The following F3 variants were observed in gnomAD, a reference collection of about 807,000 sequenced individuals.
F3 encodes the protein coagulation factor III, tissue factor.
Under a neutral mutation model 33.5 loss-of-function variants are expected in F3, and 18 were observed. The ratio of observed to expected loss-of-function variants is 0.54; its 90% CI spans 0.37 to 0.80. The LOEUF (loss-of-function observed/expected upper bound fraction) is 0.80, where lower values mean the gene tolerates loss of function less well. F3 is among the 30% of genes least tolerant of loss of function. The probability of loss-of-function intolerance (pLI) is 0.00; values close to 1 mark genes in which losing one functional copy is unlikely to be tolerated. For synonymous variants in F3, 147 were observed against 140.7 expected (o/e 1.05, Z -0.32); for missense variants, 353 against 362.1 (o/e 0.97, Z 0.20).
At chr1:94,538,507 G>A (rs1219287210) in intron 2 of F3, among the ~76,000 whole-genome samples, 2 of 152,218 alleles carry the variant, frequency 1.3e-5, no homozygotes, top group African/African-American at 4.8e-5. Flanking sequence ...AGGCAGAGAG[G>A]AAGGCCAACT....
chr1:94,540,070 T>C (rs1229824670), intron 2 of F3, among the ~76,000 whole-genome samples, 187 bp downstream of exon 2: 1 of 152,224 alleles, frequency 6.6e-6, no homozygotes, highest in Non-Finnish European at 1.5e-5. Flanking sequence ...GTTCTATCAG[T>C]TTAAGGTCTG....
intron 2 of F3, among the ~76,000 whole-genome samples, chr1:94,538,088 T>A (rs1651665788): frequency 6.6e-6 from 1 of 152,190 alleles, no homozygotes; most frequent in African/African-American, 2.4e-5. Flanking sequence ...GACAATTCTG[T>A]AGAAAATCCC....
intron 2 of F3, among the ~76,000 whole-genome samples, chr1:94,537,034 C>G (rs1046537451): frequency 6.6e-6 from 1 of 152,156 alleles, no homozygotes; most frequent in African/African-American, 2.4e-5. Flanking sequence ...AGAGCTGGGT[C>G]TGTTTGCCCC....
chr1:94,532,612 A>T, intron 4 of F3, 132 bp from the exon 5 acceptor site: 1 of 943,306 alleles, frequency 1.1e-6, no homozygotes. Context: ...GTGAAGGATT[A>T]GAAGTGACTT....
chr1:94,530,334 A>C lies in F3; in HGVS notation c.*126T>G. On this transcript the variant is annotated 3_prime_UTR_variant, in exon 6 of 6. Transcript: ENST00000334047. ...AATGGTAATAACAGGTCATATCAAG[A>C]GTTTTTTGAACTCCAGGGTCTTCAT... The C allele has an allele frequency of 8.4e-7, 1 of 1,191,322 alleles. No homozygotes were observed. The highest frequency in any genetic ancestry group is 1.2e-6 in the Non-Finnish European group (1 of 844,222). The allele number at this position is 1,191,322 out of a possible 1,614,324, so 73.8% of individuals were successfully genotyped here. A position where few individuals can be genotyped will look rare whatever the true frequency, so the allele number is the denominator to read the frequency against.
Position 94,530,372 on chromosome 1 carries a change from T to C in F3, c.*88A>G. The C allele has an allele frequency of 6.5e-7, 1 of 1,539,576 alleles. No homozygotes were observed. The highest frequency in any genetic ancestry group is 1.4e-5 in the African/African-American group (1 of 73,432). ...CCAGGGTCTTCATGCTCCGAAATACTCATTTGCGTTTCCATGTATTCTATC... is the reference window on the plus strand; with the variant it reads ...CCAGGGTCTTCATGCTCCGAAATACCCATTTGCGTTTCCATGTATTCTATC... On this transcript the variant is annotated 3_prime_UTR_variant, in exon 6 of 6. Coordinates refer to ENST00000334047, the MANE Select transcript of F3 (RefSeq NM_001993.5).
In F3 at chr1:94,532,675, A is replaced by G. The variant is rs190751804; in HGVS notation, c.592-195T>C. On this transcript the variant is annotated intron_variant, in intron 4 of 5. Coordinates refer to ENST00000334047, the MANE Select transcript of F3 (RefSeq NM_001993.5). ...TAAAAATGCCTTTTCCAAGACTGAG[A>G]AGATCCAATTTAGGCATATTGAACC... is the stretch of plus-strand genomic sequence containing the variant. Among the ~76,000 whole-genome samples the G allele has an allele frequency of 2.9e-4, 44 of 152,360 alleles. No homozygotes were observed. The East Asian group carries it at 8.1e-3, about 28-fold the overall frequency.
intron 3 of F3, among the ~76,000 whole-genome samples, chr1:94,533,856 C>CT (rs1022077649): frequency 3.3e-5 from 5 of 151,292 alleles, no homozygotes; most frequent in South Asian, 2.1e-4. Context: ...CTTTTCTTTT[C>CT]TTTTTTTTCT....
Position 94,533,235 on chromosome 1 carries a change from T to A in F3, c.446A>T (p.Glu149Val), listed in dbSNP as rs760406941. 1.2e-6 allele frequency: 2 copies of A among 1,613,168 alleles called. No homozygotes were observed. The highest frequency in any genetic ancestry group is 2.2e-5 in the South Asian group (2 of 90,570). The change falls in exon 4 of 6, where the codon GAA (glutamate) becomes GTA (valine). Residue 149 changes from glutamate (E) to valine (V), a missense_variant. Physicochemically the swap from Glu to Val is moderately radical, Grantham distance 121 (BLOSUM62 -2). Transcript: ENST00000334047. ...CACATTCACTTTTGTTCCCACCTGTTCAAAACTCTGAATTGTTGGCTGTCC... is the reference window on the plus strand; with the variant it reads ...CACATTCACTTTTGTTCCCACCTGTACAAAACTCTGAATTGTTGGCTGTCC... ...NLGQPTIQSF[E>V]QVGTKVNVTV...
intron 5 of F3, 41 bp downstream of exon 5, chr1:94,532,280 G>A (rs1651455321): frequency 1.2e-6 from 2 of 1,601,632 alleles, no homozygotes; most frequent in Non-Finnish European, 1.7e-6. Context: ...GTCACCCACA[G>A]CACCCATACC....
chr1:94,536,048 T>C lies in F3; in HGVS notation c.329A>G (p.Tyr110Cys). The C allele has an allele frequency of 6.2e-7, 1 of 1,614,114 alleles. No individual in the cohort carries two copies. ...KQTYLARVFS[Y>C]PAGNVESTGS... ...GGTGCTCTCCACATTCCCTGCCGGG[T>C]AGGAGAAGACCCGTGCCAAGTACGT... Residue 110 changes from tyrosine to cysteine, a missense_variant, in exon 3 of 6, where the codon TAC (tyrosine) becomes TGC (cysteine). By Grantham distance (194) the Tyr-to-Cys change is radical. Coordinates refer to ENST00000334047, the MANE Select transcript of F3 (RefSeq NM_001993.5).
chr1:94,536,340 G>T (rs1423745354), intron 2 of F3, among the ~76,000 whole-genome samples, 176 bp from the exon 3 acceptor site: 1 of 152,132 alleles, frequency 6.6e-6, no homozygotes, highest in African/African-American at 2.4e-5. Context: ...GTTTTGTAGA[G>T]ATGGGGTCCT....
At chr1:94,532,273 AC>A (rs769867753) in intron 5 of F3, 47 bp downstream of exon 5, 2 of 1,589,576 alleles carry the variant, frequency 1.3e-6, no homozygotes, top group African/African-American at 2.7e-5. Flanking sequence ...TCCAGAAGTC[AC>A]CCACAGCACC....
rs1435092237 is a variant in F3 at position 94,536,120 on chromosome 1, T to C, written c.257A>G (p.Asp86Gly). The C allele has an allele frequency of 1.2e-6, 2 of 1,614,210 alleles. No homozygotes were observed. The highest frequency in any genetic ancestry group is 8.5e-7 in the Non-Finnish European group (1 of 1,180,032). Residue 86 changes from aspartate (D) to glycine (G), a missense_variant, in exon 3 of 6, where the codon GAC (aspartate) becomes GGC (glycine). Transcript: ENST00000334047. The stretch of plus-strand genomic sequence containing the variant: ...CTCGTCGGTGAGGTCACACTCTGTG[T>C]CTGTTGTGTAAAAGCATTTGCTTTT... Reference protein sequence around the residue: ...DWKSKCFYTTDTECDLTDEIV... With the variant: ...DWKSKCFYTTGTECDLTDEIV...
At chr1:94,530,735 A>G in intron 5 of F3, 139 bp from the exon 6 acceptor site, 2 of 975,816 alleles carry the variant, frequency 2.0e-6, no homozygotes, top group Non-Finnish European at 3.0e-6. Context: ...CACCACACTT[A>G]CATTAGGAAA....
At chr1:94,533,029 T>C (rs1456842305) in intron 4 of F3, 61 bp downstream of exon 4, 1 of 1,533,032 alleles carries the variant, frequency 6.5e-7, no homozygotes, top group African/African-American at 1.4e-5. Flanking sequence ...AGAAATGGGT[T>C]GTAAAACCCA....
chr1:94,532,338 T>C lies in F3; in HGVS notation c.734A>G (p.Glu245Gly). The change falls in exon 5 of 6, where the codon GAG (glutamate) becomes GGG (glycine). Residue 245 changes from glutamate to glycine, a missense_variant. Glu to Gly is a moderately conservative substitution (Grantham distance 98). Transcript: ENST00000334047. ...TDSPVECMGQ[E>G]KGEFREIFYI... ...CCACTCACCTCTGAATTCCCCTTTCTCCTGGCCCATACACTCTACCGGGCT... is the reference window on the plus strand; with the variant it reads ...CCACTCACCTCTGAATTCCCCTTTCCCCTGGCCCATACACTCTACCGGGCT... The C allele has an allele frequency of 6.2e-7, 1 of 1,614,150 alleles. No individual in the cohort carries two copies. The highest frequency in any genetic ancestry group is 8.5e-7 in the Non-Finnish European group (1 of 1,180,026).
chr1:94,533,614 C>T (rs961188804), intron 3 of F3, among the ~76,000 whole-genome samples: 3 of 152,126 alleles, frequency 2.0e-5, no homozygotes, highest in Admixed American at 6.5e-5. Flanking sequence ...TCTGTGGATC[C>T]ACTTGTATGC....
In F3 at chr1:94,536,167, A is replaced by C; in HGVS notation, c.213-3T>G. ...TTTTCCAATCTCCTGACTTAGTGCT[A>C]AAGAAAGAAAAGAAGGAAGAAACAT... On this transcript the variant is annotated splice_region_variant and splice_polypyrimidine_tract_variant and intron_variant, in intron 2 of 5. Coordinates refer to ENST00000334047, the MANE Select transcript of F3 (RefSeq NM_001993.5). 1 of 1,613,228 alleles carries C rather than the reference A, an allele frequency of 6.2e-7. No individual in the cohort carries two copies. Among genetic ancestry groups the C allele is most frequent in the Non-Finnish European group, 8.5e-7 (1 of 1,179,496 alleles).
Sources: allele counts gnomAD v4.1 joint callset (sites outside exome capture counted in the v4.1 genomes callset), GRCh38; gene constraint gnomAD v4.1.1; transcripts MANE v1.5; gene names NCBI Gene and HGNC (gene_info 2026-07-23, HGNC 2026-07-21).